Variants in FILIP1L observed in about 807,000 individuals in gnomAD.
The protein encoded by FILIP1L is filamin A-interacting protein 1-like.
FILIP1L carries 55 observed loss-of-function variants against 96.6 expected under a neutral mutation model. The observed-to-expected ratio is 0.57, with a 90% CI of 0.46 to 0.71. FILIP1L has a LOEUF of 0.71. Ranked by LOEUF, FILIP1L falls within the 30% of genes least tolerant of loss-of-function variation. The pLI, the probability that FILIP1L is intolerant of heterozygous loss-of-function variation, is 0.00. For synonymous variants in FILIP1L, 467 were observed against 473.9 expected, an observed-to-expected ratio of 0.99 and a Z score of 0.19; for missense variants, 1,304 against 1,321.2, an observed-to-expected ratio of 0.99 and a Z score of 0.20.
intron 1 of FILIP1L, among the ~76,000 whole-genome samples, chr3:100,077,466 C>T (rs539759359): frequency 1.3e-5 from 2 of 152,080 alleles, no homozygotes; most frequent in Admixed American, 1.3e-4. Flanking sequence ...TTTTATAGCA[C>T]AAAAAGTTAA....
Position 99,991,862 on chromosome 3 carries a change from G to GTATA in FILIP1L, c.-10-60836_-10-60833dup, listed in dbSNP as rs778476697. Among the ~76,000 whole-genome samples the GTATA allele has an allele frequency of 5.4e-3, 804 of 147,586 alleles. 3 individuals are homozygous for GTATA. Among genetic ancestry groups the GTATA allele is most frequent in the Non-Finnish European group, 8.4e-3 (562 of 66,780 alleles). On this transcript the variant is annotated intron_variant, in intron 1 of 5. Transcript: ENST00000477258. ...TGTGTGTGTGTGTGTGTGTGTATGT[G>GTATA]TATATATATACACACATATATGTAT...
At chr3:100,078,902 A>T (rs978306701) in intron 1 of FILIP1L, among the ~76,000 whole-genome samples, 1 of 152,072 alleles carries the variant, frequency 6.6e-6, no homozygotes, top group Non-Finnish European at 1.5e-5. Context: ...AAAAAAACGG[A>T]AAAAAAGATT....
chr3:100,088,229 A>C (rs1269551080), intron 1 of FILIP1L, among the ~76,000 whole-genome samples: 1 of 152,202 alleles, frequency 6.6e-6, no homozygotes, highest in Non-Finnish European at 1.5e-5. Context: ...AGTTATCATT[A>C]TATGTGTCCC....
chr3:99,847,046 G>A (rs75357059), intron 5 of FILIP1L, among the ~76,000 whole-genome samples: 103 of 152,238 alleles, frequency 6.8e-4, no homozygotes, highest in East Asian at 2.3e-3. Context: ...AGGAGGATTC[G>A]GCTGAGTTAT....
At chr3:100,081,675 G>A (rs1017637062) in intron 1 of FILIP1L, among the ~76,000 whole-genome samples, 4 of 152,208 alleles carry the variant, frequency 2.6e-5, no homozygotes, top group Admixed American at 1.3e-4. Flanking sequence ...TCTAAGAAGG[G>A]ATTTTTTAAA....
intron 1 of FILIP1L, among the ~76,000 whole-genome samples, chr3:100,054,378 T>C (rs1025204214): frequency 6.6e-6 from 1 of 152,182 alleles, no homozygotes; most frequent in African/African-American, 2.4e-5. Flanking sequence ...TAGGCCTACA[T>C]TCTTGTAGCT....
intron 4 of FILIP1L, among the ~76,000 whole-genome samples, chr3:99,923,120 C>G (rs796102500): frequency 6.8e-4 from 103 of 151,888 alleles, no homozygotes; most frequent in African/African-American, 2.4e-3. Context: ...CCATTTTCAA[C>G]CCCCTTTTTC....
rs564006713 is a variant in FILIP1L, at chr3:100,004,891, C to A, written c.-10-73861G>T. 2.4e-3 allele frequency among the ~76,000 whole-genome samples: 367 copies of A among 152,258 alleles called. 1 individual carries two copies. The highest frequency in any genetic ancestry group is 8.3e-3 in the African/African-American group (346 of 41,538). On this transcript the variant is annotated intron_variant, in intron 1 of 5. Transcript: ENST00000477258. ...TTAGAGGCAGGAGAATTATTGGTGTCTGTTGGCAAGCAGATTCTCATAGCC... is the reference window on the plus strand; with the variant it reads ...TTAGAGGCAGGAGAATTATTGGTGTATGTTGGCAAGCAGATTCTCATAGCC...
At chr3:99,960,198 T>C (rs1708451235) in intron 1 of FILIP1L, among the ~76,000 whole-genome samples, 1 of 152,198 alleles carries the variant, frequency 6.6e-6, no homozygotes, top group Admixed American at 6.5e-5. Flanking sequence ...GTTTGACATC[T>C]TGGAAACGGC....
At chr3:100,107,448 T>C (rs2066414146) in intron 1 of FILIP1L, among the ~76,000 whole-genome samples, 1 of 152,146 alleles carries the variant, frequency 6.6e-6, no homozygotes, top group Non-Finnish European at 1.5e-5. Flanking sequence ...GAGTGATGAA[T>C]CCACGGGTGT....
chr3:99,993,567 G>A (rs1709586719), intron 1 of FILIP1L, among the ~76,000 whole-genome samples: 1 of 152,084 alleles, frequency 6.6e-6, no homozygotes, highest in South Asian at 2.1e-4. Flanking sequence ...TTCTTAGAGG[G>A]AATGCTTTTA....
intron 1 of FILIP1L, among the ~76,000 whole-genome samples, chr3:99,998,368 C>T (rs1559719649): frequency 6.6e-6 from 1 of 152,142 alleles, no homozygotes; most frequent in African/African-American, 2.4e-5. Flanking sequence ...GGTGTAGCAA[C>T]CCATCTTGCA....
At chr3:99,866,596 A>C (rs907082865) in intron 4 of FILIP1L, among the ~76,000 whole-genome samples, 2 of 152,166 alleles carry the variant, frequency 1.3e-5, no homozygotes, top group African/African-American at 4.8e-5. Flanking sequence ...AAATAGGGAA[A>C]TTTAATACAT....
At chr3:99,904,115 G>C (rs1461141807) in intron 4 of FILIP1L, among the ~76,000 whole-genome samples, 2 of 152,134 alleles carry the variant, frequency 1.3e-5, no homozygotes, top group African/African-American at 2.4e-5. Context: ...TTTCAGACAA[G>C]CACTTTACAT....
At chr3:100,053,945 T>G (rs1278595516) in intron 1 of FILIP1L, among the ~76,000 whole-genome samples, 2 of 152,250 alleles carry the variant, frequency 1.3e-5, no homozygotes, top group Non-Finnish European at 2.9e-5. Context: ...GCATTGACTC[T>G]GGCCCACACT....
At chr3:100,056,728 G>C (rs1468907253) in intron 1 of FILIP1L, among the ~76,000 whole-genome samples, 1 of 151,608 alleles carries the variant, frequency 6.6e-6, no homozygotes, top group Non-Finnish European at 1.5e-5. Flanking sequence ...GGCCGGGCGC[G>C]GTGGCTCACG....
chr3:99,891,477 A>G (rs1291384396), intron 4 of FILIP1L, among the ~76,000 whole-genome samples: 1 of 152,170 alleles, frequency 6.6e-6, no homozygotes, highest in Non-Finnish European at 1.5e-5. Flanking sequence ...TTGGCCTTGA[A>G]TATTCCTAAT....
intron 1 of FILIP1L, among the ~76,000 whole-genome samples, chr3:100,096,159 G>A (rs1156909445): frequency 6.6e-6 from 1 of 152,186 alleles, no homozygotes; most frequent in African/African-American, 2.4e-5. Flanking sequence ...TACACTGTTG[G>A]TGGGAATGAA....
At chr3:99,975,713 C>A (rs1399611038) in intron 1 of FILIP1L, among the ~76,000 whole-genome samples, 1 of 152,170 alleles carries the variant, frequency 6.6e-6, no homozygotes, top group Non-Finnish European at 1.5e-5. Context: ...AGGAAAGGGA[C>A]ATCTCAGCAA....
Sources: gnomAD v4.1 joint callset for allele counts (sites outside exome capture counted in the v4.1 genomes callset) on GRCh38, gnomAD v4.1.1 for gene constraint, MANE v1.5 for transcripts, NCBI Gene and HGNC (gene_info 2026-07-23, HGNC 2026-07-21) for gene names.